Variants in PPP3CA observed in about 807,000 individuals in gnomAD.
PPP3CA encodes the protein CAM-PRP catalytic subunit.
A neutral mutation model predicts 66.5 loss-of-function variants in PPP3CA; 14 were observed. The ratio of observed to expected loss-of-function variants is 0.21; its 90% CI spans 0.14 to 0.33. The LOEUF (loss-of-function observed/expected upper bound fraction) is 0.33. Among genes scored for constraint, PPP3CA ranks in the 10% least tolerant of loss-of-function variants. PPP3CA has a pLI of 1.00. For synonymous variants in PPP3CA, 232 were observed against 226.2 expected, an observed-to-expected ratio of 1.03 and a Z score of -0.23; for missense variants, 317 against 639.5, an observed-to-expected ratio of 0.50 and a Z score of 5.44.
intron 2 of PPP3CA, among the ~76,000 whole-genome samples, chr4:101,152,927 T>C (rs1723189533): frequency 6.6e-6 from 1 of 152,132 alleles, no homozygotes; most frequent in Non-Finnish European, 1.5e-5. Context: ...TCGATAAAGA[T>C]TTCCCATAGG....
chr4:101,333,103 CTTTTTT>C (rs66790132), intron 1 of PPP3CA, among the ~76,000 whole-genome samples: 3 of 88,290 alleles, frequency 3.4e-5, no homozygotes, highest in Admixed American at 2.5e-4. Context: ...CATCTTCTTT[CTTTTTT>C]TTTTTTTTTT....
intron 1 of PPP3CA, among the ~76,000 whole-genome samples, chr4:101,215,382 T>C (rs921972674): frequency 1.3e-5 from 2 of 152,082 alleles, no homozygotes; most frequent in Non-Finnish European, 2.9e-5. Context: ...ATCAGGTTTT[T>C]ACCAAAACAC....
At chr4:101,043,883 A>G (rs774843118) in intron 10 of PPP3CA, among the ~76,000 whole-genome samples, 18 of 152,316 alleles carry the variant, frequency 1.2e-4, no homozygotes, top group South Asian at 2.1e-4. Context: ...GTCAAAAAAA[A>G]AAATTTCTCA....
intron 1 of PPP3CA, among the ~76,000 whole-genome samples, chr4:101,305,700 TCAA>T (rs1408719112): frequency 6.6e-6 from 1 of 152,204 alleles, no homozygotes; most frequent in African/African-American, 2.4e-5. Context: ...AACTTTCTAT[TCAA>T]CAGCAATTTC....
Position 101,127,050 on chromosome 4 carries a change from C to T in PPP3CA, c.260-17972G>A, listed in dbSNP as rs554406889. Among the ~76,000 whole-genome samples the T allele has an allele frequency of 3.3e-5, 5 of 152,256 alleles. No individual in the cohort carries two copies. In the South Asian group the frequency reaches 1.0e-3, roughly 32 times the overall value. On this transcript the variant is annotated intron_variant, in intron 2 of 13. Transcript: ENST00000394854. Reference sequence around the variant, plus strand: ...AAGTCCAAATTCTGCCCCTTACACCCATCCCAGGGGACAGAAATCTTGTTT... The same window carrying T: ...AAGTCCAAATTCTGCCCCTTACACCTATCCCAGGGGACAGAAATCTTGTTT...
At chr4:101,107,361 C>T (rs186198112) in intron 3 of PPP3CA, among the ~76,000 whole-genome samples, 28 of 152,262 alleles carry the variant, frequency 1.8e-4, no homozygotes, top group Admixed American at 5.9e-4. Context: ...TGTTTTGCAA[C>T]GTAGATTTAG....
intron 3 of PPP3CA, among the ~76,000 whole-genome samples, chr4:101,100,269 C>T (rs936523424): frequency 2.0e-5 from 3 of 151,930 alleles, no homozygotes; most frequent in African/African-American, 7.2e-5. Context: ...AAAATACAGA[C>T]GCAGTTCAAG....
intron 2 of PPP3CA, among the ~76,000 whole-genome samples, chr4:101,153,630 G>C (rs979531248): frequency 1.3e-5 from 2 of 152,164 alleles, no homozygotes; most frequent in Non-Finnish European, 2.9e-5. Context: ...CTTAATTAGG[G>C]CTTCCAATTA....
chr4:101,177,854 A>T (rs1018676668), intron 2 of PPP3CA, among the ~76,000 whole-genome samples: 4 of 152,106 alleles, frequency 2.6e-5, no homozygotes, highest in African/African-American at 9.6e-5. Flanking sequence ...CAATTCCTAT[A>T]ACAATGACTA....
intron 2 of PPP3CA, among the ~76,000 whole-genome samples, chr4:101,121,569 C>A (rs1486418405): frequency 6.6e-6 from 1 of 151,922 alleles, no homozygotes; most frequent in African/African-American, 2.4e-5. Flanking sequence ...GAAAAACGTT[C>A]TAAAACTCTA....
chr4:101,252,844 A>G (rs1293214749), intron 1 of PPP3CA, among the ~76,000 whole-genome samples: 2 of 152,120 alleles, frequency 1.3e-5, no homozygotes, highest in Admixed American at 1.3e-4. Flanking sequence ...GGTTGCTCTC[A>G]TATCAGTTTC....
intron 1 of PPP3CA, among the ~76,000 whole-genome samples, chr4:101,201,146 C>A (rs1053068725): frequency 1.3e-5 from 2 of 152,250 alleles, no homozygotes; most frequent in African/African-American, 2.4e-5. Flanking sequence ...CCAACTATTT[C>A]TTTTTACTTT....
intron 10 of PPP3CA, among the ~76,000 whole-genome samples, chr4:101,059,052 A>G (rs528389415): frequency 6.6e-6 from 1 of 152,132 alleles, no homozygotes. Context: ...TTAAAGAATA[A>G]AAGGAATATA....
At chr4:101,339,176 C>T (rs1393450744) in intron 1 of PPP3CA, among the ~76,000 whole-genome samples, 1 of 152,124 alleles carries the variant, frequency 6.6e-6, no homozygotes. Context: ...ATTACAGAAG[C>T]ATTATAGGAA....
At chr4:101,212,144 C>T (rs569762831) in intron 1 of PPP3CA, among the ~76,000 whole-genome samples, 6 of 152,154 alleles carry the variant, frequency 3.9e-5, no homozygotes, top group East Asian at 1.9e-4. Context: ...TTCTTTTATT[C>T]GACATGCCTG....
intron 2 of PPP3CA, among the ~76,000 whole-genome samples, chr4:101,186,870 T>C (rs1351881486): frequency 6.6e-6 from 1 of 152,130 alleles, no homozygotes; most frequent in African/African-American, 2.4e-5. Flanking sequence ...CAACAGTTGA[T>C]GTAACAGATA....
At chr4:101,084,604 T>C (rs1372290158) in intron 6 of PPP3CA, among the ~76,000 whole-genome samples, 2 of 151,220 alleles carry the variant, frequency 1.3e-5, no homozygotes, top group African/African-American at 4.9e-5. Flanking sequence ...GAACGCACCA[T>C]TGCACTCCAG....
intron 1 of PPP3CA, among the ~76,000 whole-genome samples, chr4:101,243,484 A>G (rs986216459): frequency 6.6e-6 from 1 of 152,168 alleles, no homozygotes; most frequent in Non-Finnish European, 1.5e-5. Context: ...CATAGGGAAA[A>G]AAAACAGCAA....
chr4:101,126,239 C>T (rs1315276445), intron 2 of PPP3CA, among the ~76,000 whole-genome samples: 2 of 152,102 alleles, frequency 1.3e-5, no homozygotes, highest in Admixed American at 6.5e-5. Context: ...ATTTTAAGTA[C>T]CATGACTCAT....
Sources: allele counts gnomAD v4.1 joint callset (sites outside exome capture counted in the v4.1 genomes callset), GRCh38; gene constraint gnomAD v4.1.1; transcripts MANE v1.5; gene names NCBI Gene and HGNC (gene_info 2026-07-23, HGNC 2026-07-21).